The following KCNH7 variants were observed in gnomAD, a reference collection of about 807,000 sequenced individuals.
KCNH7 encodes voltage-gated inwardly rectifying potassium channel KCNH7.
In KCNH7, 49 loss-of-function variants were observed where a neutral mutation model predicts 120.8. The observed-to-expected ratio is 0.41, with a 90% CI of 0.32 to 0.51. The LOEUF (loss-of-function observed/expected upper bound fraction) is 0.51. Ranked by LOEUF, KCNH7 falls within the 20% of genes least tolerant of loss-of-function variation. The pLI, the probability that KCNH7 is intolerant of heterozygous loss-of-function variation, is 0.38. For missense variants in KCNH7, 1,097 were observed against 1,446.6 expected (o/e 0.76, Z 3.92); for synonymous variants, 547 against 516.1 (o/e 1.06, Z -0.81).
At chr2:162,503,880 A>G (rs1690773495) in intron 6 of KCNH7, among the ~76,000 whole-genome samples, 1 of 152,080 alleles carries the variant, frequency 6.6e-6, no homozygotes, top group South Asian at 2.1e-4. Context: ...GAAGCAGTAT[A>G]CCTGCTAGCT....
At position 162,511,417 on chromosome 2, in the gene KCNH7, A is replaced by G. The variant is rs564721749; in HGVS notation, c.913+1237T>C. On this transcript the variant is annotated intron_variant, in intron 5 of 15. Transcript: ENST00000332142. ...TGAGGTTACATTCTGAATTATGTCAATGCAAACCACCACACACAGTTGACA... is the reference window on the plus strand; with the variant it reads ...TGAGGTTACATTCTGAATTATGTCAGTGCAAACCACCACACACAGTTGACA... Among the ~76,000 whole-genome samples, 17 of 151,106 alleles carry G rather than the reference A, an allele frequency of 1.1e-4. 1 individual carries two copies. In the South Asian group the frequency reaches 2.3e-3, roughly 20 times the overall value.
At chr2:162,629,262 T>A (rs1025320134) in intron 2 of KCNH7, among the ~76,000 whole-genome samples, 1 of 152,070 alleles carries the variant, frequency 6.6e-6, no homozygotes, top group African/African-American at 2.4e-5. Context: ...GGCATTTTAG[T>A]TGAAACTCAG....
At chr2:162,582,260 C>G (rs74375831) in intron 2 of KCNH7, among the ~76,000 whole-genome samples, 6,678 of 152,054 alleles carry the variant, frequency 0.044, 294 homozygotes, top group East Asian at 0.11. Context: ...TAATCACAAC[C>G]GGCTATTCTT....
chr2:162,390,484 C>T (rs76248950), intron 12 of KCNH7, among the ~76,000 whole-genome samples: 4 of 151,944 alleles, frequency 2.6e-5, no homozygotes, highest in South Asian at 2.1e-4. Flanking sequence ...TAAATAGAGA[C>T]GATTTTTCAG....
At position 162,516,726 on chromosome 2, in the gene KCNH7, T is replaced by A. The variant is rs147216428; in HGVS notation, c.892+1004A>T. 3.1e-4 allele frequency among the ~76,000 whole-genome samples: 47 copies of A among 151,270 alleles called. 1 individual carries two copies. Among genetic ancestry groups the A allele is most frequent in the African/African-American group, 1.1e-3 (45 of 41,286 alleles). ...TGGACTCCCTGGGGAAAGTCAAGAG[T>A]TTCAACAGACTCCTCCTATGGCAAG... is the stretch of plus-strand genomic sequence containing the variant. On this transcript the variant is annotated intron_variant, in intron 4 of 15. Transcript: ENST00000332142.
intron 2 of KCNH7, among the ~76,000 whole-genome samples, chr2:162,804,662 G>A (rs1373343390): frequency 1.3e-5 from 2 of 151,440 alleles, no homozygotes; most frequent in Admixed American, 1.3e-4. Context: ...TGTGAAAATG[G>A]CCATACTGCC....
At chr2:162,381,633 T>C (rs1311407992) in intron 13 of KCNH7, among the ~76,000 whole-genome samples, 1 of 152,116 alleles carries the variant, frequency 6.6e-6, no homozygotes, top group Non-Finnish European at 1.5e-5. Flanking sequence ...TTCCTTCTTC[T>C]GCAGAAATGG....
chr2:162,768,756 A>G (rs1053725817), intron 2 of KCNH7, among the ~76,000 whole-genome samples: 2 of 150,850 alleles, frequency 1.3e-5, no homozygotes, highest in Non-Finnish European at 2.9e-5. Flanking sequence ...TGCAGGCTGT[A>G]GTGTTTACTC....
intron 2 of KCNH7, among the ~76,000 whole-genome samples, chr2:162,622,221 G>A (rs1018981492): frequency 4.6e-5 from 7 of 152,102 alleles, no homozygotes; most frequent in African/African-American, 1.7e-4. Flanking sequence ...TGATCAGCTC[G>A]GCATTCACAT....
intron 2 of KCNH7, among the ~76,000 whole-genome samples, chr2:162,637,569 C>G (rs1254404320): frequency 6.6e-6 from 1 of 152,056 alleles, no homozygotes. Context: ...ATACTGTATA[C>G]TTAATAATGC....
At chr2:162,517,617 T>A in intron 4 of KCNH7, 113 bp downstream of exon 4, 2 of 916,788 alleles carry the variant, frequency 2.2e-6, no homozygotes, top group Non-Finnish European at 3.2e-6. Context: ...TAGCCTTTAA[T>A]CACATTTCTT....
chr2:162,411,422 A>G (rs1196788597), intron 9 of KCNH7, among the ~76,000 whole-genome samples: 2 of 152,070 alleles, frequency 1.3e-5, no homozygotes, highest in Non-Finnish European at 2.9e-5. Context: ...ACACATGGAC[A>G]TAAAGATGGG....
intron 2 of KCNH7, among the ~76,000 whole-genome samples, chr2:162,757,824 A>T (rs1480872102): frequency 6.6e-6 from 1 of 152,124 alleles, no homozygotes; most frequent in Non-Finnish European, 1.5e-5. Flanking sequence ...TGGTCAAGTT[A>T]TCTAGTTTTT....
intron 2 of KCNH7, among the ~76,000 whole-genome samples, chr2:162,613,897 T>C (rs1206552428): frequency 6.6e-6 from 1 of 151,760 alleles, no homozygotes; most frequent in Non-Finnish European, 1.5e-5. Flanking sequence ...GTGTTTAAAT[T>C]CTACTAGAAA....
intron 2 of KCNH7, among the ~76,000 whole-genome samples, chr2:162,745,891 G>A (rs1032683270): frequency 6.6e-6 from 1 of 151,642 alleles, no homozygotes; most frequent in East Asian, 1.9e-4. Flanking sequence ...GTATTAAGGA[G>A]CACTTCAGTG....
chr2:162,587,739 GT>G (rs1694064155), intron 2 of KCNH7, among the ~76,000 whole-genome samples: 3 of 151,432 alleles, frequency 2.0e-5, no homozygotes, highest in Admixed American at 1.3e-4. Context: ...TTTTTGCCTT[GT>G]AGTAAATGGT....
chr2:162,565,089 G>GT (rs1693206985), intron 2 of KCNH7, among the ~76,000 whole-genome samples: 1 of 152,152 alleles, frequency 6.6e-6, no homozygotes, highest in South Asian at 2.1e-4. Context: ...CAACAAGTAG[G>GT]GGCTTCAATA....
chr2:162,795,656 T>C (rs953157634), intron 2 of KCNH7: 2 of 152,134 alleles, frequency 1.3e-5, no homozygotes, highest in African/African-American at 2.4e-5. Context: ...CTGATTATAC[T>C]GAAGTATGTA....
chr2:162,560,207 A>G (rs962373253), intron 2 of KCNH7, among the ~76,000 whole-genome samples: 18 of 152,198 alleles, frequency 1.2e-4, no homozygotes, highest in Non-Finnish European at 1.5e-5. Flanking sequence ...AACCGAGGAA[A>G]CAAGTTTTTC....
Sources: gnomAD v4.1 joint callset for allele counts (sites outside exome capture counted in the v4.1 genomes callset) on GRCh38, gnomAD v4.1.1 for gene constraint, MANE v1.5 for transcripts, NCBI Gene and HGNC (gene_info 2026-07-23, HGNC 2026-07-21) for gene names.